NLGN1: variants seen among roughly 807,000 people sequenced by gnomAD.
NLGN1 encodes the protein neuroligin-1.
In NLGN1, 12 loss-of-function variants were observed where a neutral mutation model predicts 65.5. The ratio of observed to expected loss-of-function variants is 0.18; its 90% CI spans 0.12 to 0.30. The LOEUF is 0.30. Among genes scored for constraint, NLGN1 ranks in the 10% least tolerant of loss-of-function variants. The pLI, the probability that NLGN1 is intolerant of heterozygous loss-of-function variation, is 1.00. For synonymous variants in NLGN1, 350 were observed against 359.5 expected (o/e 0.97, Z 0.30); for missense variants, 750 against 1,007.1 (o/e 0.74, Z 3.46).
chr3:173,682,918 A>G (rs1313956479), intron 3 of NLGN1, among the ~76,000 whole-genome samples: 1 of 152,166 alleles, frequency 6.6e-6, no homozygotes, highest in Non-Finnish European at 1.5e-5. Context: ...AAAGCCACCA[A>G]AGCTATTGTA....
chr3:173,934,827 A>G (rs1258134474), intron 4 of NLGN1, among the ~76,000 whole-genome samples: 1 of 152,062 alleles, frequency 6.6e-6, no homozygotes, highest in African/African-American at 2.4e-5. Flanking sequence ...CTATTTAAAT[A>G]TCTGATGCAG....
chr3:173,539,248 A>C (rs1216848160), intron 2 of NLGN1, among the ~76,000 whole-genome samples: 1 of 151,724 alleles, frequency 6.6e-6, no homozygotes, highest in Non-Finnish European at 1.5e-5. Flanking sequence ...GAAAGTCTCC[A>C]TTAGGCCATA....
intron 4 of NLGN1, among the ~76,000 whole-genome samples, chr3:174,021,427 GA>G (rs1303814430): frequency 6.6e-6 from 1 of 152,040 alleles, no homozygotes; most frequent in Non-Finnish European, 1.5e-5. Context: ...TTTGTGTAAT[GA>G]AATGATGGTG....
At chr3:173,834,992 A>C (rs1948158) in intron 4 of NLGN1, among the ~76,000 whole-genome samples, 113,974 of 152,120 alleles carry the variant, frequency 0.75, 43,350 homozygotes, top group African/African-American at 0.85. Context: ...CACTGAACTT[A>C]TGTGTGCTGC....
intron 3 of NLGN1, among the ~76,000 whole-genome samples, chr3:173,645,150 C>A (rs574843330): frequency 6.6e-5 from 10 of 152,360 alleles, no homozygotes; most frequent in Non-Finnish European, 1.3e-4. Context: ...AGGCAACTTT[C>A]AGGTTCTTGC....
intron 4 of NLGN1, among the ~76,000 whole-genome samples, chr3:174,197,800 TA>T (rs1268073666): frequency 7.0e-6 from 1 of 142,292 alleles, no homozygotes; most frequent in Admixed American, 7.2e-5. Flanking sequence ...TAATCTGTCC[TA>T]AAAACTGCTT....
At chr3:174,097,901 T>C (rs548990775) in intron 4 of NLGN1, among the ~76,000 whole-genome samples, 11 of 152,266 alleles carry the variant, frequency 7.2e-5, no homozygotes, top group Admixed American at 6.5e-4. Flanking sequence ...GAGTGGTGCA[T>C]AGTTAGCAGA....
At chr3:173,469,241 A>G (rs1039500522) in intron 2 of NLGN1, among the ~76,000 whole-genome samples, 1 of 152,074 alleles carries the variant, frequency 6.6e-6, no homozygotes, top group Non-Finnish European at 1.5e-5. Context: ...TTTTTATTAT[A>G]AAAGATAATG....
chr3:173,589,646 G>C (rs1346418961), intron 2 of NLGN1, among the ~76,000 whole-genome samples: 1 of 152,144 alleles, frequency 6.6e-6, no homozygotes, highest in Non-Finnish European at 1.5e-5. Context: ...TTTCTATAAA[G>C]AGTAAATAAT....
intron 4 of NLGN1, among the ~76,000 whole-genome samples, chr3:174,181,024 G>C (rs1001125733): frequency 1.8e-4 from 27 of 152,282 alleles, no homozygotes; most frequent in African/African-American, 6.3e-4. Context: ...GCAAAGAGCA[G>C]GGGTAACACT....
chr3:173,531,832 T>C (rs1429789267), intron 2 of NLGN1, among the ~76,000 whole-genome samples: 2 of 152,134 alleles, frequency 1.3e-5, no homozygotes, highest in Non-Finnish European at 2.9e-5. Flanking sequence ...AGTCCTCTGC[T>C]CTTTTTTGCC....
Position 173,912,147 on chromosome 3 carries a change from CATGAG to C in NLGN1, c.646+104318_646+104322del, listed in dbSNP as rs199840336. ...GTGTTCCCCTCTGATCCGAAGAGAG[CATGAG>C]ATCTTTAAGAAAGGTAGACAATAAG... On this transcript the variant is annotated intron_variant, in intron 4 of 6. Transcript: ENST00000457714. Among the ~76,000 whole-genome samples, 142 of 152,212 alleles carry C rather than the reference CATGAG, an allele frequency of 9.3e-4. 1 individual carries two copies. The East Asian group carries it at 0.024, about 26-fold the overall frequency.
intron 4 of NLGN1, among the ~76,000 whole-genome samples, chr3:174,273,930 G>T (rs1354308210): frequency 1.3e-5 from 2 of 151,350 alleles, no homozygotes; most frequent in Non-Finnish European, 3.0e-5. Context: ...TTGCTAACCT[G>T]ATAGGTAGTG....
chr3:173,616,959 G>T (rs552738013), intron 3 of NLGN1, among the ~76,000 whole-genome samples: 51 of 152,156 alleles, frequency 3.4e-4, no homozygotes, highest in African/African-American at 1.2e-3. Flanking sequence ...AGTAACTCTT[G>T]TCTGCCGTTT....
At chr3:174,065,770 G>C (rs1007258457) in intron 4 of NLGN1, among the ~76,000 whole-genome samples, 3 of 151,324 alleles carry the variant, frequency 2.0e-5, no homozygotes, top group African/African-American at 2.4e-5. Context: ...TCCCTCTCTG[G>C]CTCTTCTCAC....
At chr3:173,861,933 G>T (rs1008159135) in intron 4 of NLGN1, among the ~76,000 whole-genome samples, 2 of 151,166 alleles carry the variant, frequency 1.3e-5, no homozygotes, top group African/African-American at 4.9e-5. Context: ...TAATTTTTGT[G>T]TGTGTGTGTA....
intron 4 of NLGN1, among the ~76,000 whole-genome samples, chr3:174,255,650 T>G (rs950531989): frequency 4.0e-5 from 6 of 148,560 alleles, no homozygotes; most frequent in Non-Finnish European, 7.4e-5. Flanking sequence ...TTTATTTATT[T>G]ATTTATTTAT....
At position 173,580,255 on chromosome 3, in the gene NLGN1, AT is replaced by A. The variant is rs541209724; in HGVS notation, c.-320-24020del. Among the ~76,000 whole-genome samples the A allele has an allele frequency of 6.6e-5, 10 of 152,194 alleles. No homozygotes were observed. In the South Asian group the frequency reaches 2.1e-3, roughly 32 times the overall value. ...TCCATTTGGTATTAATCAATCCATCATTTTCTATTTGGTATAGAAACCAAAA... is the reference window on the plus strand; with the variant it reads ...TCCATTTGGTATTAATCAATCCATCATTTCTATTTGGTATAGAAACCAAAA... On this transcript the variant is annotated intron_variant, in intron 2 of 6. Coordinates refer to ENST00000457714, the Ensembl canonical transcript of NLGN1.
intron 2 of NLGN1, among the ~76,000 whole-genome samples, chr3:173,582,857 A>G (rs1746615736): frequency 6.6e-6 from 1 of 152,106 alleles, no homozygotes; most frequent in Non-Finnish European, 1.5e-5. Context: ...TCATAAAGCT[A>G]TTTCCCTCTA....
Sources: gnomAD v4.1 joint callset for allele counts (sites outside exome capture counted in the v4.1 genomes callset) on GRCh38, gnomAD v4.1.1 for gene constraint, MANE v1.5 for transcripts, NCBI Gene and HGNC (gene_info 2026-07-23, HGNC 2026-07-21) for gene names.